Variants in EDN1 observed in about 807,000 individuals in gnomAD.
EDN1 encodes endothelin 1, also known as endothelin-1.
In EDN1, 11 loss-of-function variants were observed where a neutral mutation model predicts 21.7. That is an observed-to-expected ratio of 0.51 (90% CI 0.32 to 0.84). The LOEUF is 0.84. Ranked by LOEUF, EDN1 falls within the 40% of genes least tolerant of loss-of-function variation. The pLI is 0.03. For missense variants in EDN1, 244 were observed against 262.3 expected, an observed-to-expected ratio of 0.93 and a Z score of 0.48; for synonymous variants, 85 against 90.6, an observed-to-expected ratio of 0.94 and a Z score of 0.35.
the EDN1 span, among the ~76,000 whole-genome samples, chr6:12,253,864 A>T: frequency 3.9e-5 from 6 of 151,978 alleles, no homozygotes; most frequent in African/African-American, 1.4e-4. Flanking sequence ...GCGCACACCC[A>T]ATCTACCGCC....
At chr6:12,248,886 GA>G in the EDN1 span, among the ~76,000 whole-genome samples, 1 of 152,110 alleles carries the variant, frequency 6.6e-6, no homozygotes, top group Non-Finnish European at 1.5e-5. Context: ...TTGGGACAGT[GA>G]AAAAAACTGT....
At chr6:12,258,733 C>G in the EDN1 span, among the ~76,000 whole-genome samples, 1 of 152,122 alleles carries the variant, frequency 6.6e-6, no homozygotes, top group Admixed American at 6.6e-5. Context: ...GTGTCTTTCC[C>G]TTCTTTGGTA....
chr6:12,260,684 G>A, the EDN1 span, among the ~76,000 whole-genome samples: 1 of 151,848 alleles, frequency 6.6e-6, no homozygotes, highest in South Asian at 2.1e-4. Flanking sequence ...ACTGTCTTTT[G>A]CCCCCCTGTC....
the EDN1 span, among the ~76,000 whole-genome samples, chr6:12,255,122 G>T: frequency 1.3e-4 from 20 of 152,148 alleles, no homozygotes; most frequent in Non-Finnish European, 2.9e-5. Context: ...AAGATGAAAT[G>T]ATTCTGTTTC....
At chr6:12,243,718 T>C in the EDN1 span, among the ~76,000 whole-genome samples, 1 of 152,246 alleles carries the variant, frequency 6.6e-6, no homozygotes, top group Non-Finnish European at 1.5e-5. Context: ...ATTTCATCTA[T>C]AGTTATATCC....
the EDN1 span, among the ~76,000 whole-genome samples, chr6:12,277,290 C>T: frequency 4.6e-5 from 7 of 152,264 alleles, no homozygotes; most frequent in East Asian, 1.3e-3. Context: ...TCAAGGATGT[C>T]TTGAGAATTT....
chr6:12,234,743 C>A, the EDN1 span, among the ~76,000 whole-genome samples: 1 of 152,166 alleles, frequency 6.6e-6, no homozygotes, highest in Non-Finnish European at 1.5e-5. Flanking sequence ...CTAGAATTAA[C>A]CTGTTCTCCA....
At chr6:12,255,761 A>G in the EDN1 span, among the ~76,000 whole-genome samples, 2 of 152,276 alleles carry the variant, frequency 1.3e-5, no homozygotes, top group Non-Finnish European at 2.9e-5. Context: ...CCAATAGTCT[A>G]AGCCCTATAA....
At position 12,292,596 on chromosome 6, in the gene EDN1, CTCTGAAGGTAGTCCT is replaced by C; in HGVS notation, c.233+91_233+105del. ...AGTTTTAGAGTTTCTTTTCTAGGGA[CTCTGAAGGTAGTCCT>C]TCTAACACCATCCAAGTGCCTCAGT... On this transcript the variant is annotated intron_variant, in intron 2 of 4. Transcript: ENST00000379375. The C allele has an allele frequency of 2.0e-6, 3 of 1,499,782 alleles. No individual in the cohort carries two copies. The African/African-American group carries it at 4.1e-5, about 21-fold the overall frequency. The allele number at this position is 1,499,782 out of a possible 1,614,324, so 92.9% of individuals were successfully genotyped here. A position where few individuals can be genotyped will look rare whatever the true frequency, so the allele number is the denominator to read the frequency against.
the EDN1 span, among the ~76,000 whole-genome samples, chr6:12,271,565 G>A: frequency 6.6e-6 from 1 of 152,102 alleles, no homozygotes; most frequent in Non-Finnish European, 1.5e-5. Flanking sequence ...CATCGACCAT[G>A]TTGACTTTTT....
chr6:12,285,785 G>A (rs890952819), upstream of EDN1, among the ~76,000 whole-genome samples: 8 of 152,132 alleles, frequency 5.3e-5, no homozygotes, highest in Non-Finnish European at 1.2e-4. Flanking sequence ...GGTCAGGGTG[G>A]TCTCGAACTC....
upstream of EDN1, among the ~76,000 whole-genome samples, chr6:12,286,410 T>C (rs1467730168): frequency 6.6e-6 from 1 of 152,260 alleles, no homozygotes; most frequent in Non-Finnish European, 1.5e-5. Flanking sequence ...CTAATAACTA[T>C]ATTACACATT....
chr6:12,263,619 A>G, the EDN1 span, among the ~76,000 whole-genome samples: 1 of 152,144 alleles, frequency 6.6e-6, no homozygotes, highest in Non-Finnish European at 1.5e-5. Context: ...ACCACCATAA[A>G]TCAACTTGGA....
the EDN1 span, among the ~76,000 whole-genome samples, chr6:12,237,473 G>A: frequency 6.6e-6 from 1 of 152,070 alleles, no homozygotes; most frequent in African/African-American, 2.4e-5. Flanking sequence ...TTATAAATGT[G>A]GTAAATTTTG....
At chr6:12,254,655 A>G in the EDN1 span, among the ~76,000 whole-genome samples, 1 of 152,218 alleles carries the variant, frequency 6.6e-6, no homozygotes, top group Non-Finnish European at 1.5e-5. Context: ...CATCAGAAGG[A>G]TTTGACCAAG....
At chr6:12,285,721 C>T (rs921012677), upstream of EDN1, among the ~76,000 whole-genome samples, 1 of 152,144 alleles carries the variant, frequency 6.6e-6, no homozygotes, top group South Asian at 2.1e-4. Flanking sequence ...CAGGCATGCG[C>T]CACCATGCCT....
At chr6:12,257,382 G>A in the EDN1 span, among the ~76,000 whole-genome samples, 1 of 152,158 alleles carries the variant, frequency 6.6e-6, no homozygotes, top group Non-Finnish European at 1.5e-5. Flanking sequence ...TCAGTTGTTG[G>A]GACAAGCAGG....
the EDN1 span, among the ~76,000 whole-genome samples, chr6:12,285,353 G>T: frequency 6.6e-6 from 1 of 152,146 alleles, no homozygotes; most frequent in African/African-American, 2.4e-5. Context: ...GATTCTGGAT[G>T]CCGGAACATC....
At chr6:12,264,505 G>A in the EDN1 span, among the ~76,000 whole-genome samples, 1 of 152,262 alleles carries the variant, frequency 6.6e-6, no homozygotes, top group South Asian at 2.1e-4. Flanking sequence ...ATTGAAGAGA[G>A]AGTGCTCTAG....
Sources: allele counts gnomAD v4.1 joint callset (sites outside exome capture counted in the v4.1 genomes callset), GRCh38; gene constraint gnomAD v4.1.1; transcripts MANE v1.5; gene names NCBI Gene and HGNC (gene_info 2026-07-23, HGNC 2026-07-21).